XIRP2: variants seen among roughly 807,000 people sequenced by gnomAD.
XIRP2 encodes the protein xin actin binding repeat containing 2.
Under a neutral mutation model 277.0 loss-of-function variants are expected in XIRP2, and 236 were observed. That is an observed-to-expected ratio of 0.85 (90% CI 0.77 to 0.95). The LOEUF is 0.95. Ranked by LOEUF, XIRP2 falls within the 40% of genes least tolerant of loss-of-function variation. XIRP2 has a pLI of 0.00. For missense variants in XIRP2, 4,640 were observed against 4,157.5 expected, an observed-to-expected ratio of 1.12 and a Z score of -3.19; for synonymous variants, 1,490 against 1,416.5, an observed-to-expected ratio of 1.05 and a Z score of -1.17.
Position 167,242,923 on chromosome 2 carries a change from A to C in XIRP2, c.1531A>C (p.Lys511Gln). Reference protein sequence around the residue: ...LYKHIHPELRKNLEKDYISEV... With the variant: ...LYKHIHPELRQNLEKDYISEV... Reference sequence around the variant, plus strand: ...TAAACACATCCATCCTGAGTTAAGAAAAAACTTAGAAAAAGATTATATCAG... The same window carrying C: ...TAAACACATCCATCCTGAGTTAAGACAAAACTTAGAAAAAGATTATATCAG... Residue 511 changes from lysine to glutamine, a missense_variant, in exon 9 of 11, where the codon AAA becomes CAA. Lys to Gln is a moderately conservative substitution (Grantham distance 53). Transcript: ENST00000409195. The C allele has an allele frequency of 1.2e-6, 2 of 1,613,552 alleles. No individual in the cohort carries two copies. The highest frequency in any genetic ancestry group is 8.5e-7 in the Non-Finnish European group (1 of 1,179,856).
intron 2 of XIRP2, among the ~76,000 whole-genome samples, chr2:167,110,797 C>G (rs1397183733): frequency 6.6e-6 from 1 of 152,160 alleles, no homozygotes; most frequent in African/African-American, 2.4e-5. Flanking sequence ...TTCTTCCTAT[C>G]CACAAGCATG....
At chr2:167,186,506 G>C (rs1273112268) in intron 3 of XIRP2, among the ~76,000 whole-genome samples, 1 of 152,116 alleles carries the variant, frequency 6.6e-6, no homozygotes, top group African/African-American at 2.4e-5. Flanking sequence ...AATCACAGAA[G>C]GGAGGAAAGA....
chr2:167,024,767 C>T (rs9751630), intron 2 of XIRP2, among the ~76,000 whole-genome samples: 2,260 of 152,172 alleles, frequency 0.015, 65 homozygotes, highest in African/African-American at 0.052. Context: ...TACTGATTTG[C>T]GTATGTTGAA....
In XIRP2 at chr2:167,037,516, GGGGTGTGTGTGTGTGT is replaced by G. The variant is rs1321094775; in HGVS notation, c.409-98391_409-98376del. Among the ~76,000 whole-genome samples, 320 of 109,094 alleles carry G rather than the reference GGGGTGTGTGTGTGTGT, an allele frequency of 2.9e-3. 1 individual carries two copies. The highest frequency in any genetic ancestry group is 0.013 in the African/African-American group (307 of 23,006). 71.6% of individuals were successfully genotyped at this position (109,094 alleles called of 152,430 possible). A position where few individuals can be genotyped will look rare whatever the true frequency, so the allele number is the denominator to read the frequency against. On this transcript the variant is annotated intron_variant, in intron 2 of 10. Transcript: ENST00000409195. ...TTTGGCTTGAGGTTTTTTCATGTGGGGGGTGTGTGTGTGTGTGTGTGTGTGTGTGTGTGTGTGTGTG... is the reference window on the plus strand; with the variant it reads ...TTTGGCTTGAGGTTTTTTCATGTGGGGTGTGTGTGTGTGTGTGTGTGTGTG...
In XIRP2 at chr2:166,924,480, AT is replaced by A. The variant is rs546873110; in HGVS notation, c.408+20598del. 9.2e-5 allele frequency among the ~76,000 whole-genome samples: 14 copies of A among 151,740 alleles called. No individual in the cohort carries two copies. The South Asian group carries it at 2.3e-3, about 25-fold the overall frequency. ...TCATTTTTTTCTTTTATAACTGCTA[AT>A]TTTTTTTGAATTTTTTTCTTTATAA... On this transcript the variant is annotated intron_variant, in intron 2 of 10. Transcript: ENST00000409195.
intron 2 of XIRP2, among the ~76,000 whole-genome samples, chr2:166,909,481 T>G (rs1181651609): frequency 6.6e-6 from 1 of 152,240 alleles, no homozygotes; most frequent in South Asian, 2.1e-4. Context: ...CCTGAGACTT[T>G]GCTGAAGTTG....
At chr2:167,112,938 A>C (rs917414320) in intron 2 of XIRP2, among the ~76,000 whole-genome samples, 1 of 152,140 alleles carries the variant, frequency 6.6e-6, no homozygotes, top group Non-Finnish European at 1.5e-5. Flanking sequence ...TACAGGCACG[A>C]ACCACCATGC....
intron 2 of XIRP2, among the ~76,000 whole-genome samples, chr2:167,127,494 G>A (rs997410184): frequency 6.6e-6 from 1 of 152,152 alleles, no homozygotes; most frequent in Non-Finnish European, 1.5e-5. Context: ...GCCTTCACCA[G>A]ATAATCTTTG....
At chr2:166,941,989 T>C (rs1685733784) in intron 2 of XIRP2, among the ~76,000 whole-genome samples, 1 of 152,226 alleles carries the variant, frequency 6.6e-6, no homozygotes, top group Admixed American at 6.5e-5. Flanking sequence ...CTGTGAAAAT[T>C]CTAACCTCTC....
chr2:167,137,263 A>T (rs1044961756), intron 3 of XIRP2, among the ~76,000 whole-genome samples: 9 of 152,290 alleles, frequency 5.9e-5, no homozygotes, highest in African/African-American at 2.2e-4. Flanking sequence ...GTAAATTGAG[A>T]TTTCAATCTC....
chr2:167,086,974 C>T (rs6432970), intron 2 of XIRP2, among the ~76,000 whole-genome samples: 105,455 of 151,902 alleles, frequency 0.69, 39,359 homozygotes, highest in Non-Finnish European at 0.83. Context: ...AGCTTTGTTC[C>T]GTTGCTGGTG....
At chr2:166,954,009 T>A (rs1392330841) in intron 2 of XIRP2, among the ~76,000 whole-genome samples, 1 of 151,988 alleles carries the variant, frequency 6.6e-6, no homozygotes, top group Non-Finnish European at 1.5e-5. Flanking sequence ...TTGTTACATT[T>A]TATTTTTTGA....
chr2:167,138,750 T>C (rs1691627974), intron 3 of XIRP2, among the ~76,000 whole-genome samples: 1 of 152,174 alleles, frequency 6.6e-6, no homozygotes, highest in Non-Finnish European at 1.5e-5. Context: ...ATTTGATTAA[T>C]TGTATTATAC....
intron 5 of XIRP2, among the ~76,000 whole-genome samples, chr2:167,220,127 C>T (rs769357016): frequency 1.4e-4 from 22 of 152,262 alleles, no homozygotes; most frequent in South Asian, 2.1e-4. Flanking sequence ...AGAATATTTA[C>T]ACCAGGAAAA....
intron 4 of XIRP2, among the ~76,000 whole-genome samples, chr2:167,211,470 G>A (rs979060601): frequency 3.3e-5 from 5 of 152,162 alleles, no homozygotes; most frequent in Non-Finnish European, 7.3e-5. Flanking sequence ...TTATCACACA[G>A]AGTCTTGGTG....
chr2:167,170,224 T>C (rs1000464198), intron 3 of XIRP2, among the ~76,000 whole-genome samples: 2 of 152,158 alleles, frequency 1.3e-5, no homozygotes, highest in Non-Finnish European at 2.9e-5. Context: ...GTTGAGATTT[T>C]TGAGTTTATG....
chr2:167,177,329 A>C (rs1293089363), intron 3 of XIRP2, among the ~76,000 whole-genome samples: 1 of 152,156 alleles, frequency 6.6e-6, no homozygotes, highest in African/African-American at 2.4e-5. Context: ...CAATACTGTA[A>C]TTCTATATTT....
rs562828129 is a variant in XIRP2, at chr2:167,036,887, C to A, written c.409-99022C>A. Among the ~76,000 whole-genome samples the A allele has an allele frequency of 4.6e-5, 7 of 152,182 alleles. No homozygotes were observed. In the East Asian group the frequency reaches 5.8e-4, roughly 13 times the overall value. On this transcript the variant is annotated intron_variant, in intron 2 of 10. Transcript: ENST00000409195. ...TGATAGTGAATAAGTCTTATGAGAC[C>A]TGATGGGTTTATCAGGGGTTTCCAC... is the stretch of plus-strand genomic sequence containing the variant.
intron 2 of XIRP2, among the ~76,000 whole-genome samples, chr2:167,027,989 A>T (rs1395228660): frequency 6.6e-6 from 1 of 152,082 alleles, no homozygotes; most frequent in Non-Finnish European, 1.5e-5. Flanking sequence ...CAGGAGGAAA[A>T]CAAATGGATA....
Sources: gnomAD v4.1 joint callset for allele counts (sites outside exome capture counted in the v4.1 genomes callset) on GRCh38, gnomAD v4.1.1 for gene constraint, MANE v1.5 for transcripts, NCBI Gene and HGNC (gene_info 2026-07-23, HGNC 2026-07-21) for gene names.